Variants in CATSPERB observed in about 807,000 individuals in gnomAD.
The protein encoded by CATSPERB is catsper channel auxiliary subunit beta, also known as cation channel sperm-associated auxiliary subunit beta.
A neutral mutation model predicts 128.3 loss-of-function variants in CATSPERB; 93 were observed. The observed-to-expected ratio is 0.72, with a 90% confidence interval of 0.61 to 0.86. The LOEUF (loss-of-function observed/expected upper bound fraction) is 0.86, where lower values mean the gene tolerates loss of function less well. Ranked by LOEUF, CATSPERB falls within the 40% of genes least tolerant of loss-of-function variation. CATSPERB has a pLI of 0.00. For missense variants in CATSPERB, 1,153 were observed against 1,329.5 expected, an observed-to-expected ratio of 0.87 and a Z score of 2.06; for synonymous variants, 381 against 448.8, an observed-to-expected ratio of 0.85 and a Z score of 1.91.
At chr14:91,633,217 C>G (rs758747141) in intron 17 of CATSPERB, among the ~76,000 whole-genome samples, 1 of 152,162 alleles carries the variant, frequency 6.6e-6, no homozygotes, top group African/African-American at 2.4e-5. Flanking sequence ...TCCTGTTAAT[C>G]TGTCTTATGT....
intron 15 of CATSPERB, among the ~76,000 whole-genome samples, chr14:91,651,875 G>C (rs1743839005): frequency 6.6e-6 from 1 of 152,164 alleles, no homozygotes; most frequent in South Asian, 2.1e-4. Flanking sequence ...TTCAAGGCCA[G>C]AGTAGAGGCT....
In CATSPERB at chr14:91,675,897, C is replaced by A. The variant is rs1029031681; in HGVS notation, c.932-1675G>T. 3.3e-5 allele frequency among the ~76,000 whole-genome samples: 5 copies of A among 152,120 alleles called. No individual in the cohort carries two copies. In the South Asian group the frequency reaches 8.3e-4, roughly 25 times the overall value. ...TATGGGGGAAAGAAGCATGTGAATTCTTCTGTGGGTTATCTAAATGGGCCT... is the reference window on the plus strand; with the variant it reads ...TATGGGGGAAAGAAGCATGTGAATTATTCTGTGGGTTATCTAAATGGGCCT... On this transcript the variant is annotated intron_variant, in intron 11 of 26. Coordinates refer to ENST00000256343, the MANE Select transcript of CATSPERB (RefSeq NM_024764.4).
chr14:91,708,521 T>C (rs898620531), intron 5 of CATSPERB, among the ~76,000 whole-genome samples: 16 of 152,184 alleles, frequency 1.1e-4, no homozygotes, highest in African/African-American at 3.9e-4. Context: ...AAAAAGCAAA[T>C]TGTGACTCTT....
chr14:91,680,345 G>C (rs991295022), intron 11 of CATSPERB, among the ~76,000 whole-genome samples: 9 of 152,100 alleles, frequency 5.9e-5, no homozygotes, highest in African/African-American at 2.2e-4. Context: ...CTGGTTTTGA[G>C]GCATAAACTT....
chr14:91,670,226 G>A (rs1895064031), intron 13 of CATSPERB, among the ~76,000 whole-genome samples: 1 of 152,246 alleles, frequency 6.6e-6, no homozygotes, highest in Non-Finnish European at 1.5e-5. Flanking sequence ...AGCAAAGAGA[G>A]GTTTATTATA....
At position 91,691,510 on chromosome 14, in the gene CATSPERB, T is replaced by A. The variant is rs767287469; in HGVS notation, c.864+13A>T. 1.1e-5 allele frequency: 18 copies of A among 1,589,618 alleles called. No homozygotes were observed. Among genetic ancestry groups the A allele is most frequent in the Non-Finnish European group, 1.5e-5 (18 of 1,167,544 alleles). ...ATCTTCTAACCAGCCCTGGGAAATA[T>A]AAAGCTTCTTACCCTTTCAAAACCA... On this transcript the variant is annotated intron_variant, in intron 10 of 26. Transcript: ENST00000256343.
chr14:91,591,643 C>A (rs1277870030), intron 23 of CATSPERB, among the ~76,000 whole-genome samples: 1 of 151,592 alleles, frequency 6.6e-6, no homozygotes, highest in African/African-American at 2.4e-5. Context: ...GGTGTGTGTG[C>A]GTCTTTATAC....
chr14:91,714,693 G>A (rs1895906831), intron 5 of CATSPERB, among the ~76,000 whole-genome samples: 1 of 150,872 alleles, frequency 6.6e-6, no homozygotes, highest in African/African-American at 2.4e-5. Context: ...TCGAGTAGTT[G>A]AGATTACAGG....
intron 1 of CATSPERB, among the ~76,000 whole-genome samples, chr14:91,730,290 C>T (rs1239105473): frequency 6.6e-6 from 1 of 152,044 alleles, no homozygotes; most frequent in Non-Finnish European, 1.5e-5. Context: ...AGAGGGAAGA[C>T]ATTCAGAGGG....
intron 26 of CATSPERB, among the ~76,000 whole-genome samples, chr14:91,585,007 CTTTTTA>C (rs145568215): frequency 0.13 from 19,337 of 151,304 alleles, 1,344 homozygotes; most frequent in Non-Finnish European, 0.17. Flanking sequence ...TCTTCTTCTT[CTTTTTA>C]TTTTTATTTT....
At chr14:91,695,532 T>G (rs755717359) in intron 7 of CATSPERB, among the ~76,000 whole-genome samples, 4 of 152,208 alleles carry the variant, frequency 2.6e-5, no homozygotes, top group Non-Finnish European at 5.9e-5. Flanking sequence ...CATCATAAAA[T>G]AAACACTTTA....
rs112427430 is a variant in CATSPERB at position 91,707,866 on chromosome 14, C to T, written c.466+275G>A. On this transcript the variant is annotated intron_variant, in intron 6 of 26. Transcript: ENST00000256343. ...AAGTGATCTGCCCACCTCGGCCTCC[C>T]AAAGTGCTGAGATTACAGGCATGAG... Among the ~76,000 whole-genome samples the T allele has an allele frequency of 8.1e-3, 1,234 of 151,780 alleles. 23 individuals are homozygous for T. Among genetic ancestry groups the T allele is most frequent in the African/African-American group, 0.027 (1,123 of 41,368 alleles).
chr14:91,650,789 T>C (rs1894691637), intron 15 of CATSPERB, among the ~76,000 whole-genome samples: 1 of 152,172 alleles, frequency 6.6e-6, no homozygotes, highest in South Asian at 2.1e-4. Flanking sequence ...ACAATTTTTG[T>C]TCATCACTAG....
intron 11 of CATSPERB, among the ~76,000 whole-genome samples, chr14:91,674,811 G>C (rs759503298): frequency 1.3e-5 from 2 of 152,152 alleles, no homozygotes; most frequent in African/African-American, 2.4e-5. Context: ...TCGTGAAGAT[G>C]ACACCAGCCT....
At chr14:91,607,088 G>GTT in intron 22 of CATSPERB, among the ~76,000 whole-genome samples, 1 of 103,476 alleles carries the variant, frequency 9.7e-6, no homozygotes, top group Non-Finnish European at 2.0e-5. Context: ...TGTGGGCGGG[G>GTT]GGGGGGGGGG....
At chr14:91,621,260 G>T (rs957306829) in intron 19 of CATSPERB, among the ~76,000 whole-genome samples, 3 of 152,034 alleles carry the variant, frequency 2.0e-5, no homozygotes, top group South Asian at 2.1e-4. Flanking sequence ...AAAACTAGCC[G>T]GGAGTGGTGT....
At position 91,692,617 on chromosome 14, in the gene CATSPERB, G is replaced by A. The variant is rs568618227; in HGVS notation, c.831+509C>T. On this transcript the variant is annotated intron_variant, in intron 9 of 26. Coordinates refer to ENST00000256343, the MANE Select transcript of CATSPERB (RefSeq NM_024764.4). The stretch of plus-strand genomic sequence containing the variant: ...ACTTCCCTCTATCTTTTCTCCTACC[G>A]ATCCCAAGTCTTTATTGCTTGTCTC... Among the ~76,000 whole-genome samples, 34 of 151,992 alleles carry A rather than the reference G, an allele frequency of 2.2e-4. No individual in the cohort carries two copies. In the South Asian group the frequency reaches 6.3e-3, roughly 28 times the overall value.
intron 10 of CATSPERB, 36 bp downstream of exon 10, chr14:91,691,487 C>T: frequency 1.3e-6 from 2 of 1,527,280 alleles, no homozygotes; most frequent in East Asian, 4.5e-5. Context: ...AAACACATAT[C>T]TTCTAACCAG....
chr14:91,642,858 A>C (rs997470999), intron 15 of CATSPERB, among the ~76,000 whole-genome samples: 136 of 139,712 alleles, frequency 9.7e-4, no homozygotes, highest in Non-Finnish European at 1.6e-3. Flanking sequence ...TTTGGTTGGT[A>C]AACTACTGAT....
Sources: allele counts gnomAD v4.1 joint callset (sites outside exome capture counted in the v4.1 genomes callset), GRCh38; gene constraint gnomAD v4.1.1; transcripts MANE v1.5; gene names NCBI Gene and HGNC (gene_info 2026-07-23, HGNC 2026-07-21).